The following BRF1 variants were observed in gnomAD, a reference collection of about 807,000 sequenced individuals.
BRF1 encodes transcription factor IIIB 90 kDa subunit.
In BRF1, 59 loss-of-function variants were observed where a neutral mutation model predicts 81.7. The ratio of observed to expected loss-of-function variants is 0.72; its 90% CI spans 0.59 to 0.90. The LOEUF is 0.90. Among genes scored for constraint, BRF1 ranks in the 40% least tolerant of loss-of-function variants. The probability of loss-of-function intolerance (pLI) is 0.00; values close to 1 mark genes in which losing one functional copy is unlikely to be tolerated. For synonymous variants in BRF1, 491 were observed against 395.6 expected (o/e 1.24, Z -2.86); for missense variants, 1,050 against 936.3 (o/e 1.12, Z -1.58).
In BRF1 at chr14:105,211,091, G is replaced by A. The variant is rs1193897362; in HGVS notation, c.1996+31C>T. ...AGTAGCTGATGCCTTTATTTCCCTT[G>A]AACCCCTCCCTGTTGTCGGGCCCCA... On this transcript the variant is annotated intron_variant, in intron 17 of 17. Coordinates refer to ENST00000547530, the MANE Select transcript of BRF1 (RefSeq NM_001519.4). 8 of 1,609,664 alleles carry A rather than the reference G, an allele frequency of 5.0e-6. No homozygotes were observed. In the African/African-American group the frequency reaches 9.4e-5, roughly 19 times the overall value.
chr14:105,214,102 G>A (rs1055635342), intron 15 of BRF1, among the ~76,000 whole-genome samples: 12 of 152,316 alleles, frequency 7.9e-5, no homozygotes, highest in East Asian at 3.9e-4. Flanking sequence ...TCTCGCAGCC[G>A]CGCCAGCACC....
At chr14:105,301,469 G>A (rs1164289999), upstream of BRF1, among the ~76,000 whole-genome samples, 1 of 151,762 alleles carries the variant, frequency 6.6e-6, no homozygotes, top group Non-Finnish European at 1.5e-5. Context: ...CTTGGCTCCT[G>A]AGGGCGACCT....
At chr14:105,220,653 C>G (rs1392197000) in intron 11 of BRF1, among the ~76,000 whole-genome samples, 3 of 152,216 alleles carry the variant, frequency 2.0e-5, no homozygotes, top group Non-Finnish European at 4.4e-5. Context: ...CACCCCTGCC[C>G]AGCCCCACGC....
At chr14:105,253,581 G>A (rs1279103919) in intron 4 of BRF1, among the ~76,000 whole-genome samples, 2 of 152,216 alleles carry the variant, frequency 1.3e-5, no homozygotes, top group African/African-American at 4.8e-5. Flanking sequence ...CTAAGGGACC[G>A]CACACAAAGG....
intron 4 of BRF1, among the ~76,000 whole-genome samples, chr14:105,253,331 A>C (rs587747626): frequency 6.6e-6 from 1 of 152,302 alleles, no homozygotes; most frequent in Admixed American, 6.5e-5. Context: ...CAGCGGGAAT[A>C]GCCTGGTCCC....
intron 11 of BRF1, 44 bp downstream of exon 11, chr14:105,221,604 C>G: frequency 1.3e-6 from 2 of 1,579,268 alleles, no homozygotes; most frequent in Non-Finnish European, 1.7e-6. Flanking sequence ...CCTGAAAGAT[C>G]TCCCGATGAC....
chr14:105,214,836 C>A (rs752677982), intron 15 of BRF1, among the ~76,000 whole-genome samples: 3 of 152,194 alleles, frequency 2.0e-5, no homozygotes, highest in African/African-American at 7.2e-5. Context: ...CCCCTCCCCA[C>A]GTCGGAGCCT....
At position 105,278,771 on chromosome 14, in the gene BRF1, G is replaced by A. The variant is rs184948587; in HGVS notation, c.266-5877C>T. Among the ~76,000 whole-genome samples, 4 of 152,126 alleles carry A rather than the reference G, an allele frequency of 2.6e-5. No homozygotes were observed. In the East Asian group the frequency reaches 5.8e-4, roughly 22 times the overall value. ...AAAAAAAAAAAAGAATTGGCCGTGC[G>A]CAGTGGCTCATGCCGGTAATCCCAA... On this transcript the variant is annotated intron_variant, in intron 2 of 17. Transcript: ENST00000547530.
intron 10 of BRF1, among the ~76,000 whole-genome samples, chr14:105,222,832 G>A (rs1325077930): frequency 6.6e-6 from 1 of 152,172 alleles, no homozygotes; most frequent in African/African-American, 2.4e-5. Flanking sequence ...GTTTCACTGT[G>A]TTAGCCAGGA....
At chr14:105,248,977 G>T in intron 5 of BRF1, 1 of 981,974 alleles carries the variant, frequency 1.0e-6, no homozygotes, top group South Asian at 4.6e-5. Flanking sequence ...AGCCCGCCCA[G>T]CGCCCCCGCG....
Position 105,228,845 on chromosome 14 carries a change from C to T in BRF1, c.763G>A (p.Val255Met), listed in dbSNP as rs2054242445. ...TVKEVISVVK[V>M]CESTLRKRLT... ...CTCTTCCGCAGCGTGGACTCACACA[C>T]TTTGACCACACTGATGACCTCCTTC... The change falls in exon 7 of 18, where the codon GTG becomes ATG. Residue 255 changes from valine (V) to methionine (M), a missense_variant. Val to Met is a conservative substitution (Grantham distance 21). Around this residue, in one of 2 missense-constraint regions of BRF1, gnomAD observed 1,043 missense variants for 915.4 expected, o/e 1.14. Transcript: ENST00000547530. 1.9e-6 allele frequency: 3 copies of T among 1,613,832 alleles called. No homozygotes were observed. Among genetic ancestry groups the T allele is most frequent in the Non-Finnish European group, 2.5e-6 (3 of 1,180,012 alleles).
At position 105,228,757 on chromosome 14, in the gene BRF1, A is replaced by T. The variant is rs587728327; in HGVS notation, c.788+63T>A. The T allele has an allele frequency of 7.0e-5, 111 of 1,575,144 alleles. No homozygotes were observed. In the African/African-American group the frequency reaches 1.3e-3, roughly 18 times the overall value. On this transcript the variant is annotated intron_variant, in intron 7 of 17. Transcript: ENST00000547530. ...GGAGGTGGCGCCTGCTCTGGCAAGC[A>T]GGCCTGAGCTGGACTGATGAAGCCT...
intron 12 of BRF1, 161 bp downstream of exon 12, chr14:105,219,908 G>C (rs587708812): frequency 3.4e-5 from 25 of 740,262 alleles, no homozygotes; most frequent in Middle Eastern, 3.3e-4. Flanking sequence ...GTGTGGGGGG[G>C]GGTCCCGGGA....
chr14:105,280,700 G>A lies in BRF1; in HGVS notation c.265+5596C>T, dbSNP rs193131374. 3.0e-3 allele frequency among the ~76,000 whole-genome samples: 456 copies of A among 151,548 alleles called. 1 individual carries two copies. The highest frequency in any genetic ancestry group is 0.01 in the African/African-American group (428 of 41,262). ...AGCCCGGCTGTGCGGTGAAGGCTGCGTGATCCTGAGTCCGGGTGTGCGGAT... is the reference window on the plus strand; with the variant it reads ...AGCCCGGCTGTGCGGTGAAGGCTGCATGATCCTGAGTCCGGGTGTGCGGAT... On this transcript the variant is annotated intron_variant, in intron 2 of 17. Transcript: ENST00000547530.
chr14:105,218,308 C>A (rs1488245350), intron 14 of BRF1, among the ~76,000 whole-genome samples: 1 of 152,214 alleles, frequency 6.6e-6, no homozygotes, highest in Non-Finnish European at 1.5e-5. Flanking sequence ...TGCACCACCC[C>A]TGCTGCCCCC....
At chr14:105,281,063 C>CGGGTGTGCGG (rs2057071656) in intron 2 of BRF1, among the ~76,000 whole-genome samples, 1 of 143,452 alleles carries the variant, frequency 7.0e-6, no homozygotes, top group African/African-American at 2.6e-5. Flanking sequence ...ACCCTGAGCC[C>CGGGTGTGCGG]AGGTGTGCGG....
intron 3 of BRF1, among the ~76,000 whole-genome samples, chr14:105,266,079 A>C (rs930558895): frequency 2.6e-5 from 4 of 151,854 alleles, no homozygotes; most frequent in African/African-American, 7.3e-5. Context: ...TCAAAAAAAA[A>C]CAAAACAAAC....
In BRF1 at chr14:105,269,233, G is replaced by A. The variant is rs1296390978; in HGVS notation, c.439+3488C>T. Among the ~76,000 whole-genome samples the A allele has an allele frequency of 6.6e-6, 1 of 152,112 alleles. No homozygotes were observed. The highest frequency in any genetic ancestry group is 6.5e-5 in the Admixed American group (1 of 15,272). ...CACTTCCCTCTAAAGTGCCGGCAAA[G>A]CAGGGGTGGGCTGGGAAGTGAGGGC... On this transcript the variant is annotated intron_variant, in intron 3 of 17. Coordinates refer to ENST00000547530, the MANE Select transcript of BRF1 (RefSeq NM_001519.4). The surrounding 1 kb of genome is among the most constrained non-coding windows in gnomAD (Gnocchi z 5.0).
chr14:105,209,954 C>A lies in BRF1; in HGVS notation c.*597G>T. The A allele has an allele frequency of 3.1e-6, 1 of 324,682 alleles. No homozygotes were observed. Among genetic ancestry groups the A allele is most frequent in the African/African-American group, 2.1e-5 (1 of 46,780 alleles). 20.1% of individuals were successfully genotyped at this position (324,682 alleles called of 1,614,324 possible). ...CAGGGGTGGGGGTGTCTGCCTCGGA[C>A]GAGGCAGGTATCTGGATGCAGGGCC... On this transcript the variant is annotated 3_prime_UTR_variant, in exon 18 of 18. Transcript: ENST00000547530.
Sources: gnomAD v4.1 joint callset for allele counts (sites outside exome capture counted in the v4.1 genomes callset) on GRCh38, gnomAD v4.1.1 for gene constraint, gnomAD v4.1.1 regional missense constraint, Gnocchi (gnomAD v3.1) non-coding constraint, MANE v1.5 for transcripts, NCBI Gene and HGNC (gene_info 2026-07-23, HGNC 2026-07-21) for gene names.